Variants in SLC6A11 observed in about 807,000 individuals in gnomAD.
SLC6A11 encodes sodium- and chloride-dependent GABA transporter 3.
SLC6A11 carries 25 observed loss-of-function variants against 74.8 expected under a neutral mutation model. The ratio of observed to expected loss-of-function variants is 0.33; its 90% CI spans 0.24 to 0.47. SLC6A11 has a LOEUF of 0.47. Among genes scored for constraint, SLC6A11 ranks in the 20% least tolerant of loss-of-function variants. The probability of loss-of-function intolerance (pLI) is 1.00; values close to 1 mark genes in which losing one functional copy is unlikely to be tolerated. For synonymous variants in SLC6A11, 330 were observed against 330.2 expected (o/e 1.00, Z 0.01); for missense variants, 574 against 837.0 (o/e 0.69, Z 3.88).
chr3:10,820,528 A>T (rs1365765524), intron 3 of SLC6A11, among the ~76,000 whole-genome samples: 2 of 151,536 alleles, frequency 1.3e-5, no homozygotes, highest in Non-Finnish European at 2.9e-5. Flanking sequence ...TTCTTCATTT[A>T]CTCTATCAAT....
intron 6 of SLC6A11, among the ~76,000 whole-genome samples, chr3:10,898,476 C>T (rs1215500977): frequency 2.6e-5 from 4 of 152,178 alleles, no homozygotes; most frequent in African/African-American, 9.7e-5. Flanking sequence ...CCACCAGATA[C>T]CCTAAATCAT....
intron 6 of SLC6A11, among the ~76,000 whole-genome samples, chr3:10,881,786 C>G (rs994577065): frequency 5.9e-5 from 9 of 152,196 alleles, no homozygotes; most frequent in Non-Finnish European, 1.2e-4. Context: ...CACATCCCCA[C>G]CAGAGCGATG....
intron 5 of SLC6A11, among the ~76,000 whole-genome samples, chr3:10,846,797 G>A (rs1196931609): frequency 1.3e-5 from 2 of 152,140 alleles, no homozygotes; most frequent in Non-Finnish European, 2.9e-5. Context: ...CTTACCAGTG[G>A]AGAACCTGGG....
At chr3:10,863,825 A>T (rs902816330) in intron 5 of SLC6A11, among the ~76,000 whole-genome samples, 1 of 152,108 alleles carries the variant, frequency 6.6e-6, no homozygotes, top group African/African-American at 2.4e-5. Context: ...ATGGTGTGAG[A>T]TGAATGTAGT....
intron 5 of SLC6A11, among the ~76,000 whole-genome samples, chr3:10,855,090 T>C (rs1325122167): frequency 2.0e-5 from 3 of 152,064 alleles, no homozygotes; most frequent in Admixed American, 2.0e-4. Context: ...TGAATAGCTA[T>C]GTGGATGGAT....
rs759318965 is a variant in SLC6A11, at chr3:10,935,180, C to T, written c.1727C>T (p.Thr576Met). 26 of 1,614,146 alleles carry T rather than the reference C, an allele frequency of 1.6e-5. No individual in the cohort carries two copies. Among genetic ancestry groups the T allele is most frequent in the African/African-American group, 9.3e-5 (7 of 75,046 alleles). Residue 576 changes from threonine (T) to methionine (M), a missense_variant, in exon 13 of 14, where the codon ACG becomes ATG. Thr to Met is a moderately conservative substitution (Grantham distance 81). Around this residue, in one of 4 missense-constraint regions of SLC6A11, gnomAD observed 257 missense variants for 341.5 expected, o/e 0.75. Coordinates refer to ENST00000254488, the MANE Select transcript of SLC6A11 (RefSeq NM_014229.3). Reference protein sequence around the residue: ...PLWICITVWKTEGTLPEKLQK... With the variant: ...PLWICITVWKMEGTLPEKLQK... Reference sequence around the variant, plus strand: ...TGGATCTGCATCACAGTGTGGAAGACGGAGGGGACACTGCCCGAGGTGAGA... The same window carrying T: ...TGGATCTGCATCACAGTGTGGAAGATGGAGGGGACACTGCCCGAGGTGAGA...
At position 10,862,454 on chromosome 3, in the gene SLC6A11, A is replaced by G. The variant is rs151193018; in HGVS notation, c.757-12507A>G. Among the ~76,000 whole-genome samples the G allele has an allele frequency of 1.4e-4, 21 of 152,282 alleles. No homozygotes were observed. The East Asian group carries it at 3.5e-3, about 25-fold the overall frequency. ...GCTTAAACACTAGACTCCCTCATCG[A>G]GTGAATTTTGGATATCCTGTGGACA... On this transcript the variant is annotated intron_variant, in intron 5 of 13. Transcript: ENST00000254488.
At chr3:10,912,940 A>G (rs2106626120) in intron 7 of SLC6A11, among the ~76,000 whole-genome samples, 1 of 152,272 alleles carries the variant, frequency 6.6e-6, no homozygotes, top group East Asian at 1.9e-4. Context: ...GTAGATGGAC[A>G]GCGCATCTCT....
intron 8 of SLC6A11, among the ~76,000 whole-genome samples, chr3:10,919,722 C>T (rs1695510846): frequency 6.6e-6 from 1 of 152,232 alleles, no homozygotes. Context: ...GATCAAAGCT[C>T]TCAATCGCTG....
intron 6 of SLC6A11, among the ~76,000 whole-genome samples, chr3:10,898,945 G>T (rs879809443): frequency 4.6e-5 from 7 of 152,208 alleles, no homozygotes; most frequent in Non-Finnish European, 1.0e-4. Flanking sequence ...TCACAATCAT[G>T]GCAGAAAATG....
At chr3:10,841,707 GCGGGCCT>G (rs1398926369) in intron 4 of SLC6A11, among the ~76,000 whole-genome samples, 1 of 152,208 alleles carries the variant, frequency 6.6e-6, no homozygotes, top group Non-Finnish European at 1.5e-5. Context: ...TTTGTACCTG[GCGGGCCT>G]GTCCCGCTTT....
At chr3:10,845,989 C>T (rs553031493) in intron 5 of SLC6A11, among the ~76,000 whole-genome samples, 1 of 152,202 alleles carries the variant, frequency 6.6e-6, no homozygotes, top group Non-Finnish European at 1.5e-5. Flanking sequence ...TGACCTTGGG[C>T]ATGTTGCTCA....
chr3:10,917,795 C>T (rs1048075096), intron 7 of SLC6A11, among the ~76,000 whole-genome samples: 36 of 152,166 alleles, frequency 2.4e-4, no homozygotes, highest in African/African-American at 6.5e-4. Flanking sequence ...AGCCAGACTG[C>T]GGTCTGGCAG....
intron 5 of SLC6A11, among the ~76,000 whole-genome samples, chr3:10,846,194 T>A (rs1246340818): frequency 6.6e-6 from 1 of 152,246 alleles, no homozygotes; most frequent in African/African-American, 2.4e-5. Flanking sequence ...TTCAAGTCAT[T>A]GTTTCTGAGT....
At chr3:10,935,008 C>T (rs1486357671) in intron 12 of SLC6A11, 21 bp from the exon 13 acceptor site, 4 of 1,607,204 alleles carry the variant, frequency 2.5e-6, no homozygotes, top group South Asian at 1.1e-5. Flanking sequence ...CCCCCAGGCA[C>T]CTGCCCCCAT....
At chr3:10,833,103 C>G (rs1219633073) in intron 4 of SLC6A11, among the ~76,000 whole-genome samples, 2 of 152,158 alleles carry the variant, frequency 1.3e-5, no homozygotes, top group African/African-American at 4.8e-5. Flanking sequence ...CTCTTGTCGC[C>G]CAGGCTGGAG....
At chr3:10,907,764 T>C (rs1695324881) in intron 6 of SLC6A11, among the ~76,000 whole-genome samples, 1 of 152,248 alleles carries the variant, frequency 6.6e-6, no homozygotes, top group East Asian at 1.9e-4. Flanking sequence ...GGATTTTATA[T>C]ACAGCCAAAT....
At chr3:10,867,884 T>G (rs1051118594) in intron 5 of SLC6A11, among the ~76,000 whole-genome samples, 13 of 152,218 alleles carry the variant, frequency 8.5e-5, no homozygotes, top group Admixed American at 4.6e-4. Flanking sequence ...TGGCTAGAAT[T>G]TAATCACATT....
intron 5 of SLC6A11, among the ~76,000 whole-genome samples, chr3:10,861,362 A>T (rs1489592960): frequency 1.3e-5 from 2 of 152,198 alleles, no homozygotes; most frequent in Admixed American, 6.5e-5. Context: ...CAAATAATTT[A>T]AAAAATTAGC....
Sources: allele counts gnomAD v4.1 joint callset (sites outside exome capture counted in the v4.1 genomes callset), GRCh38; gene constraint gnomAD v4.1.1; regional missense constraint gnomAD v4.1.1; transcripts MANE v1.5; gene names NCBI Gene and HGNC (gene_info 2026-07-23, HGNC 2026-07-21).